The following CMIP variants were observed in gnomAD, a reference collection of about 807,000 sequenced individuals.
CMIP encodes the protein C-Maf-inducing protein.
Under a neutral mutation model 97.3 loss-of-function variants are expected in CMIP, and 13 were observed. That is an observed-to-expected ratio of 0.13 (90% CI 0.09 to 0.21). The LOEUF (loss-of-function observed/expected upper bound fraction) is 0.21. Ranked by LOEUF, CMIP falls within the 10% of genes least tolerant of loss-of-function variation. The pLI, the probability that CMIP is intolerant of heterozygous loss-of-function variation, is 1.00. For synonymous variants in CMIP, 538 were observed against 436.3 expected (o/e 1.23, Z -2.91); for missense variants, 847 against 1,024.9 (o/e 0.83, Z 2.37).
At chr16:81,596,753 G>A (rs2091564468) in intron 1 of CMIP, among the ~76,000 whole-genome samples, 1 of 152,086 alleles carries the variant, frequency 6.6e-6, no homozygotes, top group Non-Finnish European at 1.5e-5. Flanking sequence ...TTTCCCAATA[G>A]AGTAGTGACC....
chr16:81,531,789 C>G (rs1031242980), intron 1 of CMIP, among the ~76,000 whole-genome samples: 2 of 152,144 alleles, frequency 1.3e-5, no homozygotes, highest in Admixed American at 1.3e-4. Context: ...CATGTCACCA[C>G]CAGGAAGGGG....
At chr16:81,642,716 C>A (rs753284681) in intron 3 of CMIP, among the ~76,000 whole-genome samples, 1 of 151,954 alleles carries the variant, frequency 6.6e-6, no homozygotes, top group African/African-American at 2.4e-5. Flanking sequence ...GTCAACATGG[C>A]GAAACCCTGT....
intron 3 of CMIP, among the ~76,000 whole-genome samples, chr16:81,651,952 A>T (rs1194822137): frequency 6.6e-6 from 1 of 152,226 alleles, no homozygotes; most frequent in African/African-American, 2.4e-5. Context: ...AAGGATTATC[A>T]TCAGGGTGAA....
rs559128760 is a variant in CMIP at position 81,711,709 on chromosome 16, A to G, written c.*1910A>G. ...TAATACTACTGTCACGTAGCTGTGT[A>G]CAAAGAGATGTGAAATACTTTCAGG... On this transcript the variant is annotated 3_prime_UTR_variant, in exon 21 of 21. Transcript: ENST00000537098. 6.6e-6 allele frequency: 1 copy of G among 152,364 alleles called. No individual in the cohort carries two copies. Among genetic ancestry groups the G allele is most frequent in the East Asian group, 1.9e-4 (1 of 5,184 alleles). The allele number at this position is 152,364 out of a possible 1,614,324, so 9.4% of individuals were successfully genotyped here. A position where few individuals can be genotyped will look rare whatever the true frequency, so the allele number is the denominator to read the frequency against.
At chr16:81,476,177 G>T (rs1014542165) in intron 1 of CMIP, 1 of 1,207,660 alleles carries the variant, frequency 8.3e-7, no homozygotes, top group Non-Finnish European at 1.2e-6. Context: ...TTGGCAGTGC[G>T]TGTGGAAAAC....
At chr16:81,494,471 G>C (rs991322650) in intron 1 of CMIP, among the ~76,000 whole-genome samples, 1 of 152,208 alleles carries the variant, frequency 6.6e-6, no homozygotes, top group Non-Finnish European at 1.5e-5. Context: ...CTTCTCTAGA[G>C]CTCTCCAGGG....
intron 16 of CMIP, among the ~76,000 whole-genome samples, 197 bp downstream of exon 16, chr16:81,701,997 C>T (rs1907470155): frequency 6.6e-6 from 1 of 152,242 alleles, no homozygotes; most frequent in Admixed American, 6.5e-5. Flanking sequence ...CAGAGTCACA[C>T]AGCTCATTGG....
At chr16:81,536,570 G>C (rs1442368769) in intron 1 of CMIP, among the ~76,000 whole-genome samples, 1 of 152,138 alleles carries the variant, frequency 6.6e-6, no homozygotes, top group African/African-American at 2.4e-5. Context: ...CCCGTCTCCG[G>C]AACCTTCTTT....
Position 81,547,067 on chromosome 16 carries a change from A to G in CMIP, c.301-60500A>G, listed in dbSNP as rs148345308. Among the ~76,000 whole-genome samples, 403 of 152,196 alleles carry G rather than the reference A, an allele frequency of 2.6e-3. 2 individuals are homozygous for G. The highest frequency in any genetic ancestry group is 9.2e-3 in the African/African-American group (381 of 41,530). On this transcript the variant is annotated intron_variant, in intron 1 of 20. Transcript: ENST00000537098. The stretch of plus-strand genomic sequence containing the variant: ...ACAGTACAGGGCAGTCTGGGCTGGG[A>G]TGTGGGCACACAGATGTGGGATGGC...
intron 1 of CMIP, among the ~76,000 whole-genome samples, chr16:81,578,404 C>G (rs2091238839): frequency 6.6e-6 from 1 of 152,228 alleles, no homozygotes; most frequent in Admixed American, 6.5e-5. Flanking sequence ...CAATGGCAGT[C>G]CCAGCCCTGA....
chr16:81,526,985 C>A (rs1278409036), intron 1 of CMIP, among the ~76,000 whole-genome samples: 2 of 152,220 alleles, frequency 1.3e-5, no homozygotes, highest in Non-Finnish European at 2.9e-5. Flanking sequence ...GGAGTGAGCA[C>A]ACAGGGCGTG....
intron 3 of CMIP, among the ~76,000 whole-genome samples, chr16:81,645,048 A>C (rs1018818503): frequency 1.3e-5 from 2 of 152,246 alleles, no homozygotes; most frequent in Non-Finnish European, 2.9e-5. Context: ...CTCTGTCTGC[A>C]CCACTATAGT....
intron 1 of CMIP, among the ~76,000 whole-genome samples, chr16:81,448,600 CCCTGCCCTGGTCT>C (rs1361795232): frequency 6.6e-6 from 1 of 152,248 alleles, no homozygotes; most frequent in Non-Finnish European, 1.5e-5. Context: ...TCGCAGCTTG[CCCTGCCCTGGTCT>C]CCTGGGCCAG....
intron 2 of CMIP, among the ~76,000 whole-genome samples, chr16:81,611,641 C>T (rs997286340): frequency 1.3e-5 from 2 of 152,104 alleles, no homozygotes; most frequent in African/African-American, 2.4e-5. Flanking sequence ...CTGGGCTTCT[C>T]TTGCAGGTCC....
rs555314806 is a variant in CMIP, at chr16:81,568,024, A to AGTGTGT, written c.301-39532_301-39527dup. ...TAGACTGGATGACCGTGAGCTTTTCAGTGTGTGTGTGTGTGTTTTTTTTTT... is the reference window on the plus strand; with the variant it reads ...TAGACTGGATGACCGTGAGCTTTTCAGTGTGTGTGTGTGTGTGTGTGTTTTTTTTTT... On this transcript the variant is annotated intron_variant, in intron 1 of 20. Coordinates refer to ENST00000537098, the MANE Select transcript of CMIP (RefSeq NM_198390.3). Among the ~76,000 whole-genome samples the AGTGTGT allele has an allele frequency of 6.7e-3, 747 of 111,526 alleles. 52 individuals are homozygous for AGTGTGT. The highest frequency in any genetic ancestry group is 0.029 in the Middle Eastern group (6 of 210). 73.2% of individuals were successfully genotyped at this position (111,526 alleles called of 152,430 possible).
chr16:81,618,006 A>G (rs2091943557), intron 2 of CMIP, among the ~76,000 whole-genome samples: 1 of 152,198 alleles, frequency 6.6e-6, no homozygotes, highest in Non-Finnish European at 1.5e-5. Context: ...GTGGCAGCTT[A>G]CAGGCACTGC....
intron 3 of CMIP, among the ~76,000 whole-genome samples, chr16:81,648,317 G>T (rs945629448): frequency 6.6e-6 from 1 of 151,932 alleles, no homozygotes; most frequent in Admixed American, 6.6e-5. Flanking sequence ...GCCATGATAG[G>T]CTTCTGTGCA....
chr16:81,472,528 C>T (rs1907621589), intron 1 of CMIP, among the ~76,000 whole-genome samples: 1 of 152,222 alleles, frequency 6.6e-6, no homozygotes, highest in African/African-American at 2.4e-5. Context: ...CGTTGAGTGT[C>T]AGCTACATGC....
intron 1 of CMIP, among the ~76,000 whole-genome samples, chr16:81,603,220 C>T (rs563989304): frequency 6.6e-6 from 1 of 152,152 alleles, no homozygotes; most frequent in Non-Finnish European, 1.5e-5. Context: ...GCTGGGACTA[C>T]AGGCACCCGC....
Sources: allele counts gnomAD v4.1 joint callset (sites outside exome capture counted in the v4.1 genomes callset), GRCh38; gene constraint gnomAD v4.1.1; transcripts MANE v1.5; gene names NCBI Gene and HGNC (gene_info 2026-07-23, HGNC 2026-07-21).